DCC: variants seen among roughly 807,000 people sequenced by gnomAD.
DCC encodes the protein DCC netrin 1 receptor, also known as netrin receptor DCC.
Under a neutral mutation model 172.5 loss-of-function variants are expected in DCC, and 58 were observed. The observed-to-expected ratio is 0.34, with a 90% CI of 0.27 to 0.42. DCC has a LOEUF of 0.42. Ranked by LOEUF, DCC falls within the 10% of genes least tolerant of loss-of-function variation. The pLI, the probability that DCC is intolerant of heterozygous loss-of-function variation, is 1.00. For synonymous variants in DCC, 709 were observed against 644.5 expected, an observed-to-expected ratio of 1.10 and a Z score of -1.52; for missense variants, 1,740 against 1,791.0, an observed-to-expected ratio of 0.97 and a Z score of 0.51.
intron 2 of DCC, among the ~76,000 whole-genome samples, chr18:52,889,398 C>A (rs1040098069): frequency 6.6e-6 from 1 of 152,020 alleles, no homozygotes; most frequent in Non-Finnish European, 1.5e-5. Flanking sequence ...AATTAATCAG[C>A]CAATAGCCAT....
intron 28 of DCC, chr18:53,526,995 G>T: frequency 5.7e-6 from 3 of 523,412 alleles, no homozygotes. Context: ...CTTAAGGACA[G>T]TCTTAGAAAT....
At chr18:53,278,909 T>A (rs2056836188) in intron 12 of DCC, among the ~76,000 whole-genome samples, 1 of 152,144 alleles carries the variant, frequency 6.6e-6, no homozygotes, top group African/African-American at 2.4e-5. Context: ...TGACTTATAA[T>A]CCTTTGGGTA....
intron 18 of DCC, among the ~76,000 whole-genome samples, chr18:53,400,992 G>A (rs1568108076): frequency 6.6e-6 from 1 of 152,040 alleles, no homozygotes; most frequent in South Asian, 2.1e-4. Context: ...TCCTTATTAC[G>A]TTTGATGTAT....
intron 7 of DCC, among the ~76,000 whole-genome samples, chr18:53,095,212 C>G (rs997352103): frequency 6.6e-6 from 1 of 152,208 alleles, no homozygotes; most frequent in South Asian, 2.1e-4. Context: ...ATTGCCAGTG[C>G]TCATTTCAGG....
At chr18:52,530,304 G>C (rs2032110870) in intron 1 of DCC, among the ~76,000 whole-genome samples, 1 of 152,152 alleles carries the variant, frequency 6.6e-6, no homozygotes, top group African/African-American at 2.4e-5. Flanking sequence ...GTATGAGGCT[G>C]ACAGCAGTTA....
chr18:53,217,262 TACACACACACACACACACACACAC>T (rs36226906), intron 12 of DCC, among the ~76,000 whole-genome samples: 1 of 133,292 alleles, frequency 7.5e-6, no homozygotes. Flanking sequence ...ATATATATTA[TACACACACACACACACACACACAC>T]ACACACACAC....
At chr18:52,800,075 T>C (rs1411765076) in intron 2 of DCC, among the ~76,000 whole-genome samples, 1 of 152,228 alleles carries the variant, frequency 6.6e-6, no homozygotes, top group East Asian at 1.9e-4. Context: ...ATTATACTTT[T>C]ATTATGATAA....
intron 1 of DCC, among the ~76,000 whole-genome samples, chr18:52,544,178 A>G (rs767014146): frequency 1.3e-5 from 2 of 152,190 alleles, no homozygotes; most frequent in South Asian, 2.1e-4. Context: ...GCTTTCATGA[A>G]TGTGAATTGA....
intron 5 of DCC, among the ~76,000 whole-genome samples, chr18:52,990,472 G>A (rs534896113): frequency 2.4e-4 from 35 of 143,292 alleles, no homozygotes; most frequent in African/African-American, 7.1e-4. Context: ...CCTGGGAACC[G>A]GGGGTTATGG....
At chr18:53,003,361 G>A (rs1219523797) in intron 5 of DCC, among the ~76,000 whole-genome samples, 4 of 152,156 alleles carry the variant, frequency 2.6e-5, no homozygotes, top group Non-Finnish European at 4.4e-5. Context: ...ATTGAACTTA[G>A]TAACATGGCC....
intron 2 of DCC, among the ~76,000 whole-genome samples, chr18:52,817,661 C>T (rs12607494): frequency 0.31 from 47,694 of 151,512 alleles, 7,755 homozygotes; most frequent in Middle Eastern, 0.4. Context: ...AAAATGAAAA[C>T]GTATTTGCCT....
At chr18:52,966,966 C>T (rs1252593967) in intron 5 of DCC, among the ~76,000 whole-genome samples, 2 of 152,160 alleles carry the variant, frequency 1.3e-5, no homozygotes, top group African/African-American at 4.8e-5. Context: ...TCTTTGGAGC[C>T]CCTGTGCTCT....
chr18:53,529,026 TCTCTCTCTCTCTCA>T (rs1456479081), intron 28 of DCC, among the ~76,000 whole-genome samples: 8 of 65,046 alleles, frequency 1.2e-4, no homozygotes, highest in East Asian at 9.8e-4. Context: ...TCTCTCTCTC[TCTCTCTCTCTCTCA>T]CACACACACA....
intron 5 of DCC, among the ~76,000 whole-genome samples, chr18:52,957,627 T>C (rs544392037): frequency 1.3e-5 from 2 of 152,272 alleles, no homozygotes; most frequent in African/African-American, 4.8e-5. Flanking sequence ...GACTATAAAG[T>C]ATGTGTGAAC....
intron 1 of DCC, among the ~76,000 whole-genome samples, chr18:52,489,911 A>G (rs1380326523): frequency 6.6e-6 from 1 of 152,128 alleles, no homozygotes; most frequent in Non-Finnish European, 1.5e-5. Flanking sequence ...GTAAATATGA[A>G]GTGGAATGTT....
At chr18:52,899,947 A>G (rs147009273) in intron 2 of DCC, among the ~76,000 whole-genome samples, 1 of 152,332 alleles carries the variant, frequency 6.6e-6, no homozygotes, top group East Asian at 1.9e-4. Flanking sequence ...AGTATTTGCC[A>G]TACACCATGC....
chr18:53,472,752 G>T (rs1418599965), intron 25 of DCC, among the ~76,000 whole-genome samples: 1 of 152,052 alleles, frequency 6.6e-6, no homozygotes, highest in Non-Finnish European at 1.5e-5. Flanking sequence ...AGACTCTTAG[G>T]CATCCTGCTT....
intron 9 of DCC, among the ~76,000 whole-genome samples, chr18:53,186,171 T>G (rs58265701): frequency 0.027 from 4,179 of 152,270 alleles, 62 homozygotes; most frequent in Admixed American, 0.046. Context: ...AAAATTTATC[T>G]GCTTCATGAG....
chr18:52,456,265 A>G (rs1007410255), intron 1 of DCC, among the ~76,000 whole-genome samples: 6 of 152,160 alleles, frequency 3.9e-5, no homozygotes, highest in Admixed American at 2.0e-4. Context: ...TATTATTGCT[A>G]TTGTTACTAT....
Sources: allele counts gnomAD v4.1 joint callset (sites outside exome capture counted in the v4.1 genomes callset), GRCh38; gene constraint gnomAD v4.1.1; transcripts MANE v1.5; gene names NCBI Gene and HGNC (gene_info 2026-07-23, HGNC 2026-07-21).